DNAH2: variants seen among roughly 807,000 people sequenced by gnomAD.
The protein encoded by DNAH2 is dynein axonemal heavy chain 2.
DNAH2 carries 323 observed loss-of-function variants against 523.5 expected under a neutral mutation model. The ratio of observed to expected loss-of-function variants is 0.62; its 90% CI spans 0.56 to 0.68. DNAH2 has a LOEUF of 0.68. Ranked by LOEUF, DNAH2 falls within the 30% of genes least tolerant of loss-of-function variation. DNAH2 has a pLI of 0.00. For synonymous variants in DNAH2, 2,093 were observed against 2,177.4 expected, an observed-to-expected ratio of 0.96 and a Z score of 1.08; for missense variants, 4,907 against 5,701.5, an observed-to-expected ratio of 0.86 and a Z score of 4.49.
chr17:7,736,895 T>C (rs1355469358), intron 7 of DNAH2, among the ~76,000 whole-genome samples, 172 bp from the exon 8 acceptor site: 1 of 152,128 alleles, frequency 6.6e-6, no homozygotes, highest in Non-Finnish European at 1.5e-5. Flanking sequence ...GGCAGGAGAA[T>C]TGCTTGAACC....
intron 42 of DNAH2, 65 bp downstream of exon 42, chr17:7,787,098 T>G: frequency 6.3e-7 from 1 of 1,580,186 alleles, no homozygotes; most frequent in Admixed American, 1.8e-5. Flanking sequence ...GGGCCGGGGC[T>G]GGGGAGGAGA....
chr17:7,823,209 G>A (rs1170916796), intron 73 of DNAH2, among the ~76,000 whole-genome samples: 1 of 151,310 alleles, frequency 6.6e-6, no homozygotes, highest in African/African-American at 2.4e-5. Flanking sequence ...CAGGAGAATC[G>A]CTTGAACCTG....
In DNAH2 at chr17:7,757,101, A is replaced by T; in HGVS notation, c.1915A>T (p.Ile639Phe). 6.2e-7 allele frequency: 1 copy of T among 1,613,890 alleles called. No homozygotes were observed. Among genetic ancestry groups the T allele is most frequent in the Non-Finnish European group, 8.5e-7 (1 of 1,179,956 alleles). The change falls in exon 13 of 86, where the codon ATT (isoleucine) becomes TTT (phenylalanine). Residue 639 changes from isoleucine to phenylalanine, a missense_variant. By Grantham distance (21) the Ile-to-Phe change is conservative (BLOSUM62 0). Coordinates refer to ENST00000572933, the MANE Select transcript of DNAH2 (RefSeq NM_020877.5). The stretch of plus-strand genomic sequence containing the variant: ...TGCTCTCTCTCAAAGGTCCCTTCTG[A>T]TTCTCTTTGCGGAAATTGACTACTG... ...LDVNFDKSLL[I>F]LFAEIDYWER... is the part of the protein sequence containing the mutation.
intron 24 of DNAH2, among the ~76,000 whole-genome samples, chr17:7,769,108 C>T (rs2151217809): frequency 6.6e-6 from 1 of 152,284 alleles, no homozygotes; most frequent in South Asian, 2.1e-4. Context: ...GCCCTGGGGC[C>T]TCCCTCTCTC....
chr17:7,777,664 T>A (rs768702583), intron 33 of DNAH2, 30 bp downstream of exon 33: 1 of 1,611,628 alleles, frequency 6.2e-7, no homozygotes, highest in South Asian at 1.1e-5. Flanking sequence ...CCCACTCTCT[T>A]ACCGTAAAAT....
chr17:7,817,741 G>A (rs759078887), intron 66 of DNAH2, 32 bp downstream of exon 66: 20 of 1,613,986 alleles, frequency 1.2e-5, no homozygotes, highest in Admixed American at 3.3e-5. Flanking sequence ...GGGGCGGTAC[G>A]GGAGCATGGG....
rs775580393 is a variant in DNAH2 at position 7,833,183 on chromosome 17, A to C, written c.13091A>C (p.His4364Pro). 1 of 1,608,664 alleles carries C rather than the reference A, an allele frequency of 6.2e-7. No individual in the cohort carries two copies. The highest frequency in any genetic ancestry group is 8.5e-7 in the Non-Finnish European group (1 of 1,179,968). ...CTTGTCTGCCTCATGCCCACGATCC[A>C]CTTCCGGCCTGCAGAGAGCCGCAAG... ...MQLVCLMPTI[H>P]FRPAESRKKS... Residue 4364 changes from histidine to proline, a missense_variant, in exon 85 of 86, where the codon CAC becomes CCC. Physicochemically the swap from His to Pro is moderately conservative, Grantham distance 77. Transcript: ENST00000572933.
Position 7,740,102 on chromosome 17 carries a change from G to C in DNAH2, c.1376+164G>C, listed in dbSNP as rs181411509. On this transcript the variant is annotated intron_variant, in intron 9 of 85. Transcript: ENST00000572933. ...ACAGGAGAGAGTGCAGGGGAGGGGG[G>C]TGGCAGCTTGGGTTGAGGGTTCCAG... Among the ~76,000 whole-genome samples the C allele has an allele frequency of 1.0e-3, 140 of 137,330 alleles. 4 individuals carry two copies. The highest frequency in any genetic ancestry group is 3.3e-4 in the Non-Finnish European group (21 of 63,378). 90.1% of individuals were successfully genotyped at this position (137,330 alleles called of 152,430 possible).
Position 7,823,826 on chromosome 17 carries a change from A to G in DNAH2, c.11330-8A>G. Reference sequence around the variant, plus strand: ...CCCTCTCCCTGCAATGACTCACCTCATCCCCAGGTGAGTGGGAAAATGCCT... The same window carrying G: ...CCCTCTCCCTGCAATGACTCACCTCGTCCCCAGGTGAGTGGGAAAATGCCT... On this transcript the variant is annotated splice_region_variant and splice_polypyrimidine_tract_variant and intron_variant, in intron 74 of 85. Transcript: ENST00000572933. 1.2e-6 allele frequency: 2 copies of G among 1,613,568 alleles called. No homozygotes were observed. The highest frequency in any genetic ancestry group is 1.7e-6 in the Non-Finnish European group (2 of 1,179,722).
At chr17:7,725,425 A>AATATATATATATATATATATAT (rs71387992) in intron 3 of DNAH2, among the ~76,000 whole-genome samples, 6,822 of 123,698 alleles carry the variant, frequency 0.055, 319 homozygotes, top group Non-Finnish European at 0.08. Context: ...ACTTCAAGTG[A>AATATATATATATATATATATAT]ATATATATAT....
At chr17:7,752,411 G>A (rs535951411) in intron 12 of DNAH2, among the ~76,000 whole-genome samples, 77 of 151,910 alleles carry the variant, frequency 5.1e-4, no homozygotes, top group Admixed American at 7.9e-4. Flanking sequence ...AGAGATATAC[G>A]TAAAACTTGT....
chr17:7,779,695 G>T lies in DNAH2; in HGVS notation c.5722+272G>T, dbSNP rs138349297. On this transcript the variant is annotated intron_variant, in intron 36 of 85. Transcript: ENST00000572933. ...ATACTTAGCTTTCTTCTCCCTTTAG[G>T]CTAGCTCCAAGAGTTCTGGTCTCTC... Among the ~76,000 whole-genome samples the T allele has an allele frequency of 4.5e-3, 681 of 152,214 alleles. 1 individual carries two copies. The highest frequency in any genetic ancestry group is 9.0e-3 in the Admixed American group (138 of 15,278).
intron 44 of DNAH2, among the ~76,000 whole-genome samples, chr17:7,790,842 G>A (rs1036221753): frequency 6.6e-6 from 1 of 152,038 alleles, no homozygotes; most frequent in Non-Finnish European, 1.5e-5. Context: ...GAGTAGCTGA[G>A]ATTACAGATG....
At chr17:7,734,747 G>T in intron 7 of DNAH2, 39 bp downstream of exon 7, 1 of 1,597,374 alleles carries the variant, frequency 6.3e-7, no homozygotes, top group Non-Finnish European at 8.6e-7. Flanking sequence ...TCAGCAAGAA[G>T]TGGGCAATGG....
chr17:7,817,993 A>T lies in DNAH2; in HGVS notation c.10284A>T (p.Leu3428=). The change falls in exon 68 of 86, where the codon CTA becomes CTT. Residue 3428 remains leucine, a synonymous_variant. Coordinates refer to ENST00000572933, the MANE Select transcript of DNAH2 (RefSeq NM_020877.5). ...AGATGAGCGATTACCTGCGAATCCTAGAACACGCCATTCACTTTGGATACC... is the reference window on the plus strand; with the variant it reads ...AGATGAGCGATTACCTGCGAATCCTTGAACACGCCATTCACTTTGGATACC... ...DLQMSDYLRI[L]EHAIHFGYPV... is the part of the protein sequence containing the mutation. 1.2e-6 allele frequency: 2 copies of T among 1,614,042 alleles called. No homozygotes were observed. The highest frequency in any genetic ancestry group is 1.7e-6 in the Non-Finnish European group (2 of 1,179,992).
intron 4 of DNAH2, among the ~76,000 whole-genome samples, chr17:7,731,236 G>A (rs1457257639): frequency 6.6e-6 from 1 of 152,032 alleles, no homozygotes; most frequent in African/African-American, 2.4e-5. Flanking sequence ...TAAGAGACAT[G>A]ACCATGTGTG....
chr17:7,811,830 G>A (rs1447804735), intron 63 of DNAH2, among the ~76,000 whole-genome samples: 1 of 152,122 alleles, frequency 6.6e-6, no homozygotes, highest in Non-Finnish European at 1.5e-5. Context: ...AGCAGGGTGG[G>A]GGTTCTCTGG....
chr17:7,815,502 A>T (rs562936940), intron 63 of DNAH2, among the ~76,000 whole-genome samples: 3 of 152,278 alleles, frequency 2.0e-5, no homozygotes, highest in African/African-American at 4.8e-5. Flanking sequence ...ATACAGGATC[A>T]CACACACATA....
intron 18 of DNAH2, among the ~76,000 whole-genome samples, chr17:7,762,414 C>T (rs986752708): frequency 5.1e-4 from 77 of 150,098 alleles, no homozygotes; most frequent in African/African-American, 1.8e-3. Context: ...CTGCTCACCG[C>T]AAGCTCCGCC....
Sources: gnomAD v4.1 joint callset for allele counts (sites outside exome capture counted in the v4.1 genomes callset) on GRCh38, gnomAD v4.1.1 for gene constraint, MANE v1.5 for transcripts, NCBI Gene and HGNC (gene_info 2026-07-23, HGNC 2026-07-21) for gene names.